Variants in FXR1 observed in about 807,000 individuals in gnomAD.
FXR1 encodes FMR1 autosomal homolog 1.
In FXR1, 15 loss-of-function variants were observed where a neutral mutation model predicts 84.0. That is an observed-to-expected ratio of 0.18 (90% CI 0.12 to 0.27). FXR1 has a LOEUF of 0.27. FXR1 is among the 10% of genes least tolerant of loss of function. The probability of loss-of-function intolerance (pLI) is 1.00; values close to 1 mark genes in which losing one functional copy is unlikely to be tolerated. For synonymous variants in FXR1, 245 were observed against 250.7 expected (o/e 0.98, Z 0.21); for missense variants, 480 against 774.4 (o/e 0.62, Z 4.51).
chr3:180,963,609 AATT>A (rs1440194011), intron 13 of FXR1, among the ~76,000 whole-genome samples: 3 of 152,168 alleles, frequency 2.0e-5, no homozygotes, highest in Non-Finnish European at 4.4e-5. Context: ...TCACATCTGG[AATT>A]ATTTTATTTA....
chr3:180,926,506 A>ATATTTT (rs72192827), intron 1 of FXR1, among the ~76,000 whole-genome samples: 171 of 124,350 alleles, frequency 1.4e-3, no homozygotes, highest in African/African-American at 2.1e-3. Context: ...ATATATATAT[A>ATATTTT]TTTTTTTTTC....
chr3:180,970,144 T>A lies in FXR1; in HGVS notation c.1403-14T>A. 6.8e-7 allele frequency: 1 copy of A among 1,473,942 alleles called. No homozygotes were observed. The highest frequency in any genetic ancestry group is 9.5e-7 in the Non-Finnish European group (1 of 1,053,074). The allele number at this position is 1,473,942 out of a possible 1,614,324, so 91.3% of individuals were successfully genotyped here. Reference sequence around the variant, plus strand: ...CTCTTAAACGAATATTTCTTGCCTCTGACATGAATATAGTGCTCAAAGATC... The same window carrying A: ...CTCTTAAACGAATATTTCTTGCCTCAGACATGAATATAGTGCTCAAAGATC... On this transcript the variant is annotated splice_polypyrimidine_tract_variant and intron_variant, in intron 14 of 16. Transcript: ENST00000357559.
rs1361128677 is a variant in FXR1 at position 180,915,733 on chromosome 3, G to T, written c.51+2997G>T. ...TTGCCATTGATGAGTTTCAAAGTCA[G>T]TTATCATGCCTTGAGGCAGTACTCT... On this transcript the variant is annotated intron_variant, in intron 1 of 16. Transcript: ENST00000357559. 1.2e-5 allele frequency: 8 copies of T among 689,482 alleles called. No homozygotes were observed. In the East Asian group the frequency reaches 2.2e-4, roughly 19 times the overall value. 42.7% of individuals were successfully genotyped at this position (689,482 alleles called of 1,614,324 possible).
rs374162418 is a variant in FXR1, at chr3:180,933,325, G to C, written c.52-9G>C. The C allele has an allele frequency of 1.1e-4, 168 of 1,513,226 alleles. 2 individuals carry two copies. The Middle Eastern group carries it at 3.2e-3, about 29-fold the overall frequency. 93.7% of individuals were successfully genotyped at this position (1,513,226 alleles called of 1,614,324 possible). Reference sequence around the variant, plus strand: ...ATCTATGCTTTTATAATGTTTTTGTGTCTTGCAGGGATTTATCAAAGATGT... The same window carrying C: ...ATCTATGCTTTTATAATGTTTTTGTCTCTTGCAGGGATTTATCAAAGATGT... On this transcript the variant is annotated splice_polypyrimidine_tract_variant and intron_variant, in intron 1 of 16. Transcript: ENST00000357559.
intron 13 of FXR1, 99 bp downstream of exon 13, chr3:180,963,189 T>C: frequency 1.6e-6 from 1 of 620,024 alleles, no homozygotes. Context: ...TTCATTACTC[T>C]GTCTTGGCTT....
intron 1 of FXR1, among the ~76,000 whole-genome samples, chr3:180,913,060 C>T (rs545810508): frequency 6.6e-6 from 1 of 152,214 alleles, no homozygotes; most frequent in African/African-American, 2.4e-5. Flanking sequence ...TCGGAGCAGG[C>T]CCGAGCTCTG....
chr3:180,949,397 G>C, intron 7 of FXR1, 54 bp downstream of exon 7: 1 of 886,118 alleles, frequency 1.1e-6, no homozygotes, highest in East Asian at 2.4e-5. Flanking sequence ...GTTTTTGTTT[G>C]TTTTTTGGAG....
intron 1 of FXR1, among the ~76,000 whole-genome samples, chr3:180,924,052 G>A (rs960445493): frequency 1.3e-5 from 2 of 152,020 alleles, no homozygotes; most frequent in African/African-American, 4.8e-5. Context: ...TCTGCCTCTC[G>A]GGTTCAAGTG....
rs768878233 is a variant in FXR1 at position 180,933,336 on chromosome 3, A to T, written c.54A>T (p.Gly18=). 5.8e-6 allele frequency: 9 copies of T among 1,554,922 alleles called. No individual in the cohort carries two copies. The African/African-American group carries it at 1.2e-4, about 21-fold the overall frequency. Reference sequence around the variant, plus strand: ...TATAATGTTTTTGTGTCTTGCAGGGATTTATCAAAGATGTTCATGAAGACT... The same window carrying T: ...TATAATGTTTTTGTGTCTTGCAGGGTTTTATCAAAGATGTTCATGAAGACT... ...VRGSNGAFYK[G]FIKDVHEDSL... Residue 18 remains glycine (G), a splice_region_variant and synonymous_variant, in exon 2 of 17, where the codon GGA becomes GGT. Coordinates refer to ENST00000357559, the MANE Select transcript of FXR1 (RefSeq NM_005087.4).
chr3:180,970,934 T>G (rs1713484214), intron 15 of FXR1: 1 of 241,262 alleles, frequency 4.1e-6, no homozygotes, highest in Admixed American at 5.1e-5. Context: ...ATGTATTTCC[T>G]GTCAGTAAAC....
Position 180,970,146 on chromosome 3 carries a change from A to T in FXR1, c.1403-12A>T. The T allele has an allele frequency of 6.7e-7, 1 of 1,483,162 alleles. No individual in the cohort carries two copies. The highest frequency in any genetic ancestry group is 9.4e-7 in the Non-Finnish European group (1 of 1,061,574). 91.9% of individuals were successfully genotyped at this position (1,483,162 alleles called of 1,614,324 possible). A position where few individuals can be genotyped will look rare whatever the true frequency, so the allele number is the denominator to read the frequency against. On this transcript the variant is annotated splice_polypyrimidine_tract_variant and intron_variant, in intron 14 of 16. Transcript: ENST00000357559. ...CTTAAACGAATATTTCTTGCCTCTGACATGAATATAGTGCTCAAAGATCCA... is the reference window on the plus strand; with the variant it reads ...CTTAAACGAATATTTCTTGCCTCTGTCATGAATATAGTGCTCAAAGATCCA...
intron 1 of FXR1, among the ~76,000 whole-genome samples, chr3:180,921,814 A>C (rs2108426874): frequency 6.6e-6 from 1 of 152,322 alleles, no homozygotes; most frequent in Non-Finnish European, 1.5e-5. Context: ...ATGATATAAA[A>C]ACTTAGTCTG....
chr3:180,949,079 A>T (rs1041240065), intron 6 of FXR1, 148 bp from the exon 7 acceptor site: 2 of 681,272 alleles, frequency 2.9e-6, no homozygotes, highest in Non-Finnish European at 5.3e-6. Context: ...TTCAGAAAGG[A>T]AAGTGTGATT....
intron 10 of FXR1, among the ~76,000 whole-genome samples, chr3:180,958,805 T>C (rs1711681367): frequency 7.4e-6 from 1 of 135,294 alleles, no homozygotes; most frequent in African/African-American, 2.8e-5. Flanking sequence ...AAGTATTGAC[T>C]TTTTTTTTTT....
At chr3:180,929,882 C>G (rs1215252411) in intron 1 of FXR1, among the ~76,000 whole-genome samples, 1 of 152,212 alleles carries the variant, frequency 6.6e-6, no homozygotes, top group Non-Finnish European at 1.5e-5. Context: ...TGTTAGAAAT[C>G]GTTCACTACA....
intron 1 of FXR1, chr3:180,914,503 A>G (rs556345726): frequency 2.0e-5 from 3 of 152,344 alleles, no homozygotes; most frequent in East Asian, 3.9e-4. Context: ...TGCATCATGC[A>G]TGTGGTAGAC....
In FXR1 at chr3:180,959,645, ACCC is replaced by A. The variant is rs898253181; in HGVS notation, c.990+1721_990+1723del. On this transcript the variant is annotated intron_variant, in intron 10 of 16. Coordinates refer to ENST00000357559, the MANE Select transcript of FXR1 (RefSeq NM_005087.4). ...GATTTTTTTAGGTTCTTGCCCTCCC[ACCC>A]CCCTTTTTATTCACTTTGAATGCCC... is the stretch of plus-strand genomic sequence containing the variant. 9.5e-5 allele frequency among the ~76,000 whole-genome samples: 14 copies of A among 146,712 alleles called. No homozygotes were observed. The South Asian group carries it at 2.4e-3, about 25-fold the overall frequency.
rs752587420 is a variant in FXR1 at position 180,963,061 on chromosome 3, G to A, written c.1169G>A (p.Arg390His). Residue 390 changes from arginine (R) to histidine (H), a missense_variant, in exon 13 of 17, where the codon CGT becomes CAT. Physicochemically the swap from Arg to His is conservative, Grantham distance 29. Coordinates refer to ENST00000357559, the MANE Select transcript of FXR1 (RefSeq NM_005087.4). ...TCTTATAGCGGAAGAGGCAGAGGTC[G>A]TCGGGGACCTAATTACACCTCCGGT... ...SRSYSGRGRG[R>H]RGPNYTSGYG... is the part of the protein sequence containing the mutation. 1.9e-6 allele frequency: 3 copies of A among 1,591,740 alleles called. No homozygotes were observed. Among genetic ancestry groups the A allele is most frequent in the Non-Finnish European group, 2.6e-6 (3 of 1,161,476 alleles).
In FXR1 at chr3:180,976,266, G is replaced by A. The variant is rs1158663641; in HGVS notation, c.1840G>A (p.Ala614Thr). ...NTLKEENTQEAAVLNGVS is the reference protein window; with the variant it reads ...NTLKEENTQETAVLNGVS ...CTTAAAAGAAGAAAACACTCAAGAA[G>A]CAGCAGTCCTGAATGGTGTTTCATA... The change falls in exon 17 of 17, where the codon GCA becomes ACA. Residue 614 changes from alanine to threonine, a missense_variant. Coordinates refer to ENST00000357559, the MANE Select transcript of FXR1 (RefSeq NM_005087.4). 2.5e-6 allele frequency: 4 copies of A among 1,610,540 alleles called. No homozygotes were observed. The African/African-American group carries it at 5.3e-5, about 22-fold the overall frequency.
Sources: gnomAD v4.1 joint callset for allele counts (sites outside exome capture counted in the v4.1 genomes callset) on GRCh38, gnomAD v4.1.1 for gene constraint, MANE v1.5 for transcripts, NCBI Gene and HGNC (gene_info 2026-07-23, HGNC 2026-07-21) for gene names.